CUX1: variants seen among roughly 807,000 people sequenced by gnomAD.
The protein encoded by CUX1 is protein CASP.
In CUX1, 31 loss-of-function variants were observed where a neutral mutation model predicts 158.8. The observed-to-expected ratio is 0.20, with a 90% confidence interval of 0.15 to 0.26. CUX1 has a LOEUF of 0.26. Among genes scored for constraint, CUX1 ranks in the 10% least tolerant of loss-of-function variants. The pLI is 1.00. For synonymous variants in CUX1, 879 were observed against 862.1 expected (o/e 1.02, Z -0.34); for missense variants, 1,589 against 2,014.6 (o/e 0.79, Z 4.04).
At chr7:102,011,812 C>T (rs1818064045) in intron 2 of CUX1, among the ~76,000 whole-genome samples, 1 of 152,062 alleles carries the variant, frequency 6.6e-6, no homozygotes, top group African/African-American at 2.4e-5. Context: ...TATTATCTTA[C>T]TTAGACACTT....
chr7:102,283,137 G>A (rs782204524), exon 23 of CUX1: 44 of 1,466,334 alleles, frequency 3.0e-5, no homozygotes, highest in Admixed American at 2.2e-4. Flanking sequence ...CCTCCACCCC[G>A]ACTGCTCAGT....
chr7:102,234,154 G>A lies in CUX1; in HGVS notation c.3536G>A (p.Arg1179Gln). ...KPWHKLSLKG[R>Q]EPFVRMQLWL... The stretch of plus-strand genomic sequence containing the variant: ...TGGCATAAGCTCAGTCTGAAAGGAC[G>A]AGAGCCCTTCGTCCGGATGCAGCTG... The change falls in exon 22 of 24, where the codon CGA (arginine) becomes CAA (glutamine). Residue 1179 changes from arginine to glutamine, a missense_variant. Arg to Gln is a conservative substitution (Grantham distance 43, BLOSUM62 1). Around this residue, in one of 8 missense-constraint regions of CUX1, gnomAD observed 259 missense variants for 373.8 expected, o/e 0.69. Coordinates refer to ENST00000292535, the MANE Select transcript of CUX1 (RefSeq NM_181552.4). 1 of 1,602,836 alleles carries A rather than the reference G, an allele frequency of 6.2e-7. No individual in the cohort carries two copies.
At chr7:101,825,482 G>A (rs1016893880) in intron 1 of CUX1, among the ~76,000 whole-genome samples, 4 of 152,106 alleles carry the variant, frequency 2.6e-5, no homozygotes, top group South Asian at 2.1e-4. Flanking sequence ...GCTGTGCTGC[G>A]GAATCGTAAA....
chr7:101,854,642 C>T (rs1295162498), intron 1 of CUX1, among the ~76,000 whole-genome samples: 1 of 152,252 alleles, frequency 6.6e-6, no homozygotes, highest in Non-Finnish European at 1.5e-5. Context: ...GACACCCTGT[C>T]TCCCATTTCT....
At chr7:101,971,536 A>T (rs1181450674) in intron 2 of CUX1, among the ~76,000 whole-genome samples, 1 of 152,230 alleles carries the variant, frequency 6.6e-6, no homozygotes, top group East Asian at 1.9e-4. Context: ...TAGAACCAGA[A>T]TTAGACAACT....
At chr7:101,959,079 C>G (rs1454503335) in intron 2 of CUX1, among the ~76,000 whole-genome samples, 1 of 151,894 alleles carries the variant, frequency 6.6e-6, no homozygotes, top group Non-Finnish European at 1.5e-5. Context: ...AAGCTGGTCT[C>G]AAATTCCTGG....
intron 14 of CUX1, among the ~76,000 whole-genome samples, chr7:102,269,118 TTTTGTTTGTTTG>T (rs71123029): frequency 0.013 from 1,893 of 147,998 alleles, 23 homozygotes; most frequent in Non-Finnish European, 0.022. Flanking sequence ...GTGTGGGTTT[TTTTGTTTGTTTG>T]TTTGTTTGTT....
At chr7:101,921,270 T>C (rs1164572589) in intron 2 of CUX1, among the ~76,000 whole-genome samples, 1 of 152,104 alleles carries the variant, frequency 6.6e-6, no homozygotes, top group African/African-American at 2.4e-5. Context: ...CATATGTGTG[T>C]GTACGTACCC....
Position 102,070,321 on chromosome 7 carries a change from T to C in CUX1, c.190-18T>C. On this transcript the variant is annotated intron_variant, in intron 3 of 23. Coordinates refer to ENST00000292535, the MANE Select transcript of CUX1 (RefSeq NM_181552.4). ...TTGAGCTCTTTGTTTTTCTTTTCTT[T>C]CTTTCCTTCCCTTTCAGATTGATGC... 6 of 1,601,220 alleles carry C rather than the reference T, an allele frequency of 3.7e-6. No homozygotes were observed. Among genetic ancestry groups the C allele is most frequent in the Non-Finnish European group, 5.1e-6 (6 of 1,174,532 alleles).
chr7:101,961,843 T>G (rs978081192), intron 2 of CUX1: 3 of 134,234 alleles, frequency 2.2e-5, no homozygotes, highest in Non-Finnish European at 4.6e-5. Context: ...GCCACTGCAC[T>G]CCAGTCTGGG....
At chr7:101,816,560 C>T (rs1157474134), upstream of CUX1, among the ~76,000 whole-genome samples, 18 of 141,524 alleles carry the variant, frequency 1.3e-4, no homozygotes, top group African/African-American at 4.3e-4. Context: ...GGCCGCGGCC[C>T]GGCGGTGGCG....
chr7:102,247,826 G>A (rs1554537465), intron 23 of CUX1, among the ~76,000 whole-genome samples: 1 of 151,648 alleles, frequency 6.6e-6, no homozygotes, highest in Non-Finnish European at 1.5e-5. Flanking sequence ...GTTTCCAAAA[G>A]GTTTTTGAAA....
Position 102,144,514 on chromosome 7 carries a change from C to T in CUX1, c.675-14046C>T, listed in dbSNP as rs188267727. Among the ~76,000 whole-genome samples the T allele has an allele frequency of 2.8e-3, 420 of 151,944 alleles. 3 individuals carry two copies. The highest frequency in any genetic ancestry group is 9.3e-3 in the African/African-American group (384 of 41,420). On this transcript the variant is annotated intron_variant, in intron 8 of 23. Transcript: ENST00000292535. ...GACTTTCTTTTTAATATAGTCACAG[C>T]GCAATTAGCACATTCAAAAATAATT...
At chr7:101,996,710 C>T (rs1585214978) in intron 2 of CUX1, among the ~76,000 whole-genome samples, 3 of 149,252 alleles carry the variant, frequency 2.0e-5, no homozygotes, top group African/African-American at 7.4e-5. Context: ...TTTTCCTTCC[C>T]TCCCTTACTT....
At chr7:102,071,373 A>G (rs549613427) in intron 4 of CUX1, among the ~76,000 whole-genome samples, 4 of 152,296 alleles carry the variant, frequency 2.6e-5, no homozygotes, top group African/African-American at 9.6e-5. Flanking sequence ...AGGCAGGTAG[A>G]GTGCCTTGAA....
chr7:101,859,345 G>A lies in CUX1; in HGVS notation c.30+41676G>A, dbSNP rs147629630. The stretch of plus-strand genomic sequence containing the variant: ...ATGATTTAAAAATTACCAATTGACC[G>A]TATCCGGGGCTGAACCTGCGTGATT... On this transcript the variant is annotated intron_variant, in intron 1 of 23. Coordinates refer to ENST00000292535, the MANE Select transcript of CUX1 (RefSeq NM_181552.4). Among the ~76,000 whole-genome samples the A allele has an allele frequency of 5.1e-3, 782 of 152,302 alleles. 10 individuals carry two copies. Among genetic ancestry groups the A allele is most frequent in the Admixed American group, 0.031 (470 of 15,298 alleles).
At chr7:102,020,243 G>C (rs904484658) in intron 2 of CUX1, among the ~76,000 whole-genome samples, 1 of 152,174 alleles carries the variant, frequency 6.6e-6, no homozygotes, top group African/African-American at 2.4e-5. Flanking sequence ...GGACTGGAAG[G>C]AATATGTGTT....
In CUX1 at chr7:102,097,369, G is replaced by A. The variant is rs782382132; in HGVS notation, c.274G>A (p.Val92Ile). 45 of 1,608,430 alleles carry A rather than the reference G, an allele frequency of 2.8e-5. No individual in the cohort carries two copies. The highest frequency in any genetic ancestry group is 7.8e-5 in the South Asian group (7 of 89,646). ...GCTGTTTTCCTGTTGTGCAGATCCCGTACCAGCTTTGGATCTCGGACAGCA... is the reference window on the plus strand; with the variant it reads ...GCTGTTTTCCTGTTGTGCAGATCCCATACCAGCTTTGGATCTCGGACAGCA... Reference protein sequence around the residue: ...YKRLIDVPDPVPALDLGQQLQ... With the variant: ...YKRLIDVPDPIPALDLGQQLQ... Residue 92 changes from valine to isoleucine, a missense_variant, in exon 5 of 24, where the codon GTA becomes ATA. Physicochemically the swap from Val to Ile is conservative, Grantham distance 29 (BLOSUM62 3). Transcript: ENST00000292535.
chr7:101,954,837 G>A (rs996189928), intron 2 of CUX1, among the ~76,000 whole-genome samples: 5 of 151,880 alleles, frequency 3.3e-5, no homozygotes, highest in South Asian at 2.1e-4. Context: ...GCTGAGGATC[G>A]GATGCATTAC....
Sources: gnomAD v4.1 joint callset for allele counts (sites outside exome capture counted in the v4.1 genomes callset) on GRCh38, gnomAD v4.1.1 for gene constraint, gnomAD v4.1.1 regional missense constraint, MANE v1.5 for transcripts, NCBI Gene and HGNC (gene_info 2026-07-23, HGNC 2026-07-21) for gene names.